Variants in TLL1 observed in about 807,000 individuals in gnomAD.
The protein encoded by TLL1 is tolloid like 1.
In TLL1, 49 loss-of-function variants were observed where a neutral mutation model predicts 128.2. That is an observed-to-expected ratio of 0.38 (90% CI 0.30 to 0.48). The LOEUF is 0.48. Ranked by LOEUF, TLL1 falls within the 20% of genes least tolerant of loss-of-function variation. The pLI is 0.96. For synonymous variants in TLL1, 454 were observed against 418.8 expected (o/e 1.08, Z -1.03); for missense variants, 1,123 against 1,242.0 (o/e 0.90, Z 1.44).
intron 12 of TLL1, chr4:166,044,407 G>T (rs1248132371): frequency 3.9e-6 from 6 of 1,535,498 alleles, no homozygotes; most frequent in South Asian, 3.6e-5. Context: ...TAAAGCCAGA[G>T]AATCTCTCAT....
Position 165,903,733 on chromosome 4 carries a change from TCACACACA to T in TLL1, c.169+29685_169+29692del, listed in dbSNP as rs5863787. ...GCAGAGGTTAGATCTTAAGTTCTTATCACACACACACACACACACACACACACACACAA... is the reference window on the plus strand; with the variant it reads ...GCAGAGGTTAGATCTTAAGTTCTTATCACACACACACACACACACACACAA... On this transcript the variant is annotated intron_variant, in intron 1 of 20. Coordinates refer to ENST00000061240, the MANE Select transcript of TLL1 (RefSeq NM_012464.5). Among the ~76,000 whole-genome samples, 43 of 144,804 alleles carry T rather than the reference TCACACACA, an allele frequency of 3.0e-4. 1 individual carries two copies. The highest frequency in any genetic ancestry group is 1.9e-3 in the Admixed American group (28 of 14,364). 95.0% of individuals were successfully genotyped at this position (144,804 alleles called of 152,430 possible).
At chr4:165,959,386 A>T (rs984349662) in intron 1 of TLL1, among the ~76,000 whole-genome samples, 1 of 151,948 alleles carries the variant, frequency 6.6e-6, no homozygotes, top group Non-Finnish European at 1.5e-5. Flanking sequence ...CTTTTATTTC[A>T]TTGAGCAGTG....
At chr4:165,933,134 T>G (rs1377130630) in intron 1 of TLL1, among the ~76,000 whole-genome samples, 1 of 152,204 alleles carries the variant, frequency 6.6e-6, no homozygotes, top group Non-Finnish European at 1.5e-5. Flanking sequence ...GCTGGTGGTG[T>G]TGATTGCAGT....
chr4:166,051,319 CTTCCTTCT>C (rs1198778489), intron 12 of TLL1, among the ~76,000 whole-genome samples: 1 of 145,488 alleles, frequency 6.9e-6, no homozygotes, highest in African/African-American at 2.5e-5. Flanking sequence ...TCCTTCCTTC[CTTCCTTCT>C]TTCCTTCCTC....
In TLL1 at chr4:165,965,313, G is replaced by A. The variant is rs56775188; in HGVS notation, c.170-24068G>A. On this transcript the variant is annotated intron_variant, in intron 1 of 20. Coordinates refer to ENST00000061240, the MANE Select transcript of TLL1 (RefSeq NM_012464.5). ...AAAATCTCTTTGCAAAAGATTTTAT[G>A]TCAACACCCCTTTACTCTAAAGTCA... Among the ~76,000 whole-genome samples, 788 of 152,206 alleles carry A rather than the reference G, an allele frequency of 5.2e-3. 11 individuals are homozygous for A. Among genetic ancestry groups the A allele is most frequent in the African/African-American group, 0.018 (733 of 41,536 alleles).
At chr4:165,981,896 A>T (rs28674823) in intron 1 of TLL1, among the ~76,000 whole-genome samples, 12,157 of 152,106 alleles carry the variant, frequency 0.08, 1,596 homozygotes, top group African/African-American at 0.27. Flanking sequence ...CCCGAAAAGA[A>T]AAGAATCATC....
At chr4:165,991,137 G>A (rs904292869) in intron 2 of TLL1, among the ~76,000 whole-genome samples, 2 of 151,730 alleles carry the variant, frequency 1.3e-5, no homozygotes, top group South Asian at 4.1e-4. Flanking sequence ...TATTTTGAAG[G>A]CATTGATTTT....
intron 1 of TLL1, among the ~76,000 whole-genome samples, chr4:165,923,053 A>C (rs963596122): frequency 1.3e-5 from 2 of 152,192 alleles, no homozygotes; most frequent in Non-Finnish European, 2.9e-5. Context: ...GAGCCAAAGA[A>C]TTATAAACCA....
At chr4:166,099,256 T>A (rs751295468) in intron 19 of TLL1, 21 bp from the exon 20 acceptor site, 21 of 1,613,254 alleles carry the variant, frequency 1.3e-5, no homozygotes, top group Non-Finnish European at 1.7e-5. Flanking sequence ...CTTACTCATC[T>A]TATTTTTCTT....
At chr4:165,976,587 G>GA (rs1735895695) in intron 1 of TLL1, among the ~76,000 whole-genome samples, 1 of 152,012 alleles carries the variant, frequency 6.6e-6, no homozygotes, top group South Asian at 2.1e-4. Flanking sequence ...ATATTGCTAA[G>GA]AAAAACAGAA....
intron 1 of TLL1, among the ~76,000 whole-genome samples, chr4:165,967,081 C>T (rs2110970902): frequency 6.6e-6 from 1 of 152,296 alleles, no homozygotes; most frequent in African/African-American, 2.4e-5. Context: ...TTCTTTTTCT[C>T]AGGGCTGTTC....
intron 1 of TLL1, among the ~76,000 whole-genome samples, chr4:165,884,472 G>T (rs1731088618): frequency 6.6e-6 from 1 of 152,140 alleles, no homozygotes; most frequent in Non-Finnish European, 1.5e-5. Context: ...ACCAATAATT[G>T]CTTATGCAGA....
intron 1 of TLL1, among the ~76,000 whole-genome samples, chr4:165,930,362 A>T (rs1426127209): frequency 1.3e-5 from 2 of 152,332 alleles, no homozygotes; most frequent in Non-Finnish European, 2.9e-5. Context: ...GGAGAATTTA[A>T]AGTATTCTGA....
chr4:166,042,231 C>G, intron 11 of TLL1, 88 bp downstream of exon 11: 2 of 870,182 alleles, frequency 2.3e-6, no homozygotes, highest in Non-Finnish European at 3.9e-6. Context: ...GACATTGTGA[C>G]CATATTGTAA....
chr4:165,986,135 T>C (rs1289336342), intron 1 of TLL1, among the ~76,000 whole-genome samples: 1 of 151,886 alleles, frequency 6.6e-6, no homozygotes, highest in Non-Finnish European at 1.5e-5. Flanking sequence ...GTAAAATAAA[T>C]AGAAAATACC....
At position 166,006,665 on chromosome 4, in the gene TLL1, G is replaced by A. The variant is rs550966092; in HGVS notation, c.812-1278G>A. The stretch of plus-strand genomic sequence containing the variant: ...GAAGAGTATGTTGAATATTTCCCAA[G>A]AATGGTTGTAACATAAATAGACCTA... On this transcript the variant is annotated intron_variant, in intron 6 of 20. Coordinates refer to ENST00000061240, the MANE Select transcript of TLL1 (RefSeq NM_012464.5). Among the ~76,000 whole-genome samples the A allele has an allele frequency of 8.6e-5, 13 of 151,830 alleles. No homozygotes were observed. In the South Asian group the frequency reaches 2.5e-3, roughly 29 times the overall value.
chr4:166,073,465 CAG>C (rs1393274493), intron 16 of TLL1, among the ~76,000 whole-genome samples: 1 of 152,074 alleles, frequency 6.6e-6, no homozygotes, highest in Non-Finnish European at 1.5e-5. Flanking sequence ...TGCTCTTTCA[CAG>C]AATAATTTTC....
intron 15 of TLL1, 102 bp from the exon 16 acceptor site, chr4:166,065,581 C>T: frequency 7.7e-7 from 1 of 1,293,104 alleles, no homozygotes; most frequent in South Asian, 1.3e-5. Flanking sequence ...AGTTTGACTA[C>T]CGTAAGAGTA....
In TLL1 at chr4:166,038,666, C is replaced by T. The variant is rs76250991; in HGVS notation, c.1159-673C>T. ...AGAATTGTCTCTTGAGTTATCTTTA[C>T]GCAACAGCATCATTTTGAAACAAAG... On this transcript the variant is annotated intron_variant, in intron 9 of 20. Coordinates refer to ENST00000061240, the MANE Select transcript of TLL1 (RefSeq NM_012464.5). 6.7e-3 allele frequency among the ~76,000 whole-genome samples: 1,015 copies of T among 152,224 alleles called. 7 individuals are homozygous for T. Among genetic ancestry groups the T allele is most frequent in the African/African-American group, 0.023 (951 of 41,548 alleles).
Sources: allele counts gnomAD v4.1 joint callset (sites outside exome capture counted in the v4.1 genomes callset), GRCh38; gene constraint gnomAD v4.1.1; transcripts MANE v1.5; gene names NCBI Gene and HGNC (gene_info 2026-07-23, HGNC 2026-07-21).